Variants in CNTNAP2 observed in about 807,000 individuals in gnomAD.
CNTNAP2 encodes contactin-associated protein-like 2.
CNTNAP2 carries 98 observed loss-of-function variants against 155.2 expected under a neutral mutation model. The observed-to-expected ratio is 0.63, with a 90% CI of 0.54 to 0.75. CNTNAP2 has a LOEUF of 0.75. CNTNAP2 is among the 30% of genes least tolerant of loss of function. The pLI is 0.00. For missense variants in CNTNAP2, 1,727 were observed against 1,688.1 expected (o/e 1.02, Z -0.40); for synonymous variants, 651 against 631.2 (o/e 1.03, Z -0.47).
chr7:147,066,382 G>A (rs1233040446), intron 4 of CNTNAP2, among the ~76,000 whole-genome samples: 1 of 152,160 alleles, frequency 6.6e-6, no homozygotes, highest in Non-Finnish European at 1.5e-5. Flanking sequence ...GCAGACGGTG[G>A]CTTCTCCACG....
At chr7:146,327,076 T>G (rs1007488822) in intron 1 of CNTNAP2, among the ~76,000 whole-genome samples, 1 of 152,128 alleles carries the variant, frequency 6.6e-6, no homozygotes, top group African/African-American at 2.4e-5. Flanking sequence ...GGTAATAATA[T>G]AGATAGTAAA....
chr7:147,485,542 T>A (rs1798495337), intron 10 of CNTNAP2, among the ~76,000 whole-genome samples: 1 of 152,226 alleles, frequency 6.6e-6, no homozygotes, highest in Admixed American at 6.5e-5. Context: ...CCTCTTTACG[T>A]CAGTTTTTGG....
intron 20 of CNTNAP2, among the ~76,000 whole-genome samples, chr7:148,238,901 A>T (rs1390060961): frequency 6.6e-6 from 1 of 152,248 alleles, no homozygotes; most frequent in African/African-American, 2.4e-5. Flanking sequence ...TAACAAGCAT[A>T]TGGATGTAAA....
chr7:148,391,761 C>A (rs978964310), intron 22 of CNTNAP2, among the ~76,000 whole-genome samples: 2 of 152,128 alleles, frequency 1.3e-5, no homozygotes, highest in African/African-American at 4.8e-5. Context: ...AGGAAGACAG[C>A]CACAGATGGC....
At chr7:146,511,409 A>T (rs1797464190) in intron 1 of CNTNAP2, among the ~76,000 whole-genome samples, 1 of 152,186 alleles carries the variant, frequency 6.6e-6, no homozygotes, top group Non-Finnish European at 1.5e-5. Context: ...ATTTAGTATG[A>T]CAATAGCTAT....
At chr7:147,820,336 G>T (rs1369066802) in intron 13 of CNTNAP2, among the ~76,000 whole-genome samples, 1 of 151,556 alleles carries the variant, frequency 6.6e-6, no homozygotes, top group Admixed American at 6.6e-5. Context: ...GTTGTTTAAT[G>T]TCTGTTTAAT....
intron 1 of CNTNAP2, among the ~76,000 whole-genome samples, chr7:146,609,447 T>C (rs1374389217): frequency 2.0e-5 from 3 of 152,372 alleles, no homozygotes; most frequent in Non-Finnish European, 2.9e-5. Context: ...TGCACTGTTA[T>C]AGTATTCTGC....
chr7:147,692,589 G>A (rs184581935), intron 13 of CNTNAP2, among the ~76,000 whole-genome samples: 32 of 152,122 alleles, frequency 2.1e-4, no homozygotes, highest in African/African-American at 7.7e-4. Context: ...ATTTTAATTT[G>A]CATTTCTCTG....
chr7:146,979,833 A>G (rs1043235324), intron 3 of CNTNAP2, among the ~76,000 whole-genome samples: 1 of 152,198 alleles, frequency 6.6e-6, no homozygotes, highest in African/African-American at 2.4e-5. Context: ...TTATAAGAGG[A>G]CTATAAAAGA....
rs1798358191 is a variant in CNTNAP2 at position 148,348,032 on chromosome 7, C to T, written c.3476-35617C>T. Reference sequence around the variant, plus strand: ...CTCTCTTACGTTTTCTTGCAAGACTCTTTGGCTAGTTTTATCTGAAAGTTT... The same window carrying T: ...CTCTCTTACGTTTTCTTGCAAGACTTTTTGGCTAGTTTTATCTGAAAGTTT... On this transcript the variant is annotated intron_variant, in intron 21 of 23. Transcript: ENST00000361727. Among the ~76,000 whole-genome samples the T allele has an allele frequency of 2.0e-5, 3 of 152,178 alleles. No homozygotes were observed. The South Asian group carries it at 6.2e-4, about 32-fold the overall frequency.
chr7:148,070,726 A>T (rs760894383), intron 15 of CNTNAP2, among the ~76,000 whole-genome samples: 124 of 152,304 alleles, frequency 8.1e-4, no homozygotes, highest in Admixed American at 1.4e-3. Context: ...TAAAATAAAT[A>T]AATTAATTAA....
rs554637518 is a variant in CNTNAP2, at chr7:146,814,613, A to G, written c.209-25098A>G. Among the ~76,000 whole-genome samples the G allele has an allele frequency of 8.5e-5, 13 of 152,320 alleles. No individual in the cohort carries two copies. In the East Asian group the frequency reaches 1.9e-3, roughly 23 times the overall value. ...AATTAATATTCTTTGCTAATAATCT[A>G]TAACATTTGTTAAACAGTTCGAATT... On this transcript the variant is annotated intron_variant, in intron 2 of 23. Coordinates refer to ENST00000361727, the MANE Select transcript of CNTNAP2 (RefSeq NM_014141.6).
At chr7:146,199,447 A>G (rs1051899703) in intron 1 of CNTNAP2, among the ~76,000 whole-genome samples, 2 of 152,158 alleles carry the variant, frequency 1.3e-5, no homozygotes, top group African/African-American at 2.4e-5. Context: ...GATAGGAAGG[A>G]ATAAGAAGGA....
rs1320197968 is a variant in CNTNAP2, at chr7:146,339,946, G to T, written c.97+222973G>T. The stretch of plus-strand genomic sequence containing the variant: ...AGCACTTTGGGAGGCCGAGGCGGGC[G>T]GATCACGAGGTCAGGAGATCGAAAC... On this transcript the variant is annotated intron_variant, in intron 1 of 23. Coordinates refer to ENST00000361727, the MANE Select transcript of CNTNAP2 (RefSeq NM_014141.6). 6.6e-5 allele frequency among the ~76,000 whole-genome samples: 10 copies of T among 152,118 alleles called. No individual in the cohort carries two copies. The East Asian group carries it at 1.7e-3, about 27-fold the overall frequency.
intron 9 of CNTNAP2, among the ~76,000 whole-genome samples, chr7:147,334,861 C>A (rs995446260): frequency 1.3e-5 from 2 of 152,182 alleles, no homozygotes; most frequent in Admixed American, 1.3e-4. Context: ...TAGGGATATT[C>A]TCATTACATA....
At chr7:148,017,789 C>T (rs189511886) in intron 15 of CNTNAP2, among the ~76,000 whole-genome samples, 4 of 152,256 alleles carry the variant, frequency 2.6e-5, no homozygotes, top group East Asian at 3.9e-4. Context: ...CAGTGAATGA[C>T]GTAAATAATA....
chr7:147,053,736 A>G (rs189643774), intron 4 of CNTNAP2, among the ~76,000 whole-genome samples: 204 of 152,306 alleles, frequency 1.3e-3, no homozygotes, highest in Middle Eastern at 0.01. Context: ...AAAATTTTTC[A>G]TAAAATAATT....
intron 9 of CNTNAP2, among the ~76,000 whole-genome samples, chr7:147,325,248 C>A (rs112905244): frequency 0.01 from 1,581 of 152,166 alleles, 29 homozygotes; most frequent in African/African-American, 0.036. Flanking sequence ...TGCAGTGAGC[C>A]GAGATCGCGC....
chr7:146,371,374 T>G lies in CNTNAP2; in HGVS notation c.97+254401T>G, dbSNP rs1375103515. 8.0e-5 allele frequency among the ~76,000 whole-genome samples: 11 copies of G among 137,922 alleles called. No individual in the cohort carries two copies. The South Asian group carries it at 9.5e-4, about 12-fold the overall frequency. The allele number at this position is 137,922 out of a possible 152,430, so 90.5% of individuals were successfully genotyped here. On this transcript the variant is annotated intron_variant, in intron 1 of 23. Coordinates refer to ENST00000361727, the MANE Select transcript of CNTNAP2 (RefSeq NM_014141.6). ...ATATATGCCAGTATTAGTTTTTTTT[T>G]TTTTTTTTTTTTGAGATGGAGTCTC...
Sources: allele counts gnomAD v4.1 joint callset (sites outside exome capture counted in the v4.1 genomes callset), GRCh38; gene constraint gnomAD v4.1.1; transcripts MANE v1.5; gene names NCBI Gene and HGNC (gene_info 2026-07-23, HGNC 2026-07-21).